Variants in SERINC5 observed in about 807,000 individuals in gnomAD.
The protein encoded by SERINC5 is serine incorporator 5, also known as chromosome 5 open reading frame 12.
A neutral mutation model predicts 63.1 loss-of-function variants in SERINC5; 41 were observed. That is an observed-to-expected ratio of 0.65 (90% CI 0.51 to 0.84). The LOEUF (loss-of-function observed/expected upper bound fraction) is 0.84. Ranked by LOEUF, SERINC5 falls within the 40% of genes least tolerant of loss-of-function variation. The pLI is 0.00. For missense variants in SERINC5, 523 were observed against 573.0 expected, an observed-to-expected ratio of 0.91 and a Z score of 0.89; for synonymous variants, 222 against 215.2, an observed-to-expected ratio of 1.03 and a Z score of -0.28.
intron 1 of SERINC5, among the ~76,000 whole-genome samples, chr5:80,214,591 G>A (rs959013370): frequency 4.0e-5 from 6 of 151,854 alleles, no homozygotes; most frequent in Non-Finnish European, 8.8e-5. Context: ...AACACCTCCT[G>A]TACTATACAC....
chr5:80,167,425 A>G (rs1426085947), intron 6 of SERINC5, among the ~76,000 whole-genome samples: 2 of 152,116 alleles, frequency 1.3e-5, no homozygotes, highest in Non-Finnish European at 2.9e-5. Context: ...TTTCCTTTTT[A>G]TGGCTACACC....
intron 11 of SERINC5, among the ~76,000 whole-genome samples, chr5:80,129,380 C>A (rs748359643): frequency 2.4e-4 from 36 of 152,288 alleles, no homozygotes; most frequent in Middle Eastern, 3.4e-3. Flanking sequence ...CTCACTGCAG[C>A]CTGGAACTCA....
At chr5:80,204,325 T>C (rs561911452) in intron 1 of SERINC5, among the ~76,000 whole-genome samples, 98 of 152,324 alleles carry the variant, frequency 6.4e-4, no homozygotes, top group African/African-American at 2.3e-3. Context: ...AACCCAGCCC[T>C]TAACCTGTGA....
chr5:80,148,179 ATTTTTTATTC>A (rs1405719525), intron 9 of SERINC5, among the ~76,000 whole-genome samples: 12 of 117,220 alleles, frequency 1.0e-4, no homozygotes, highest in African/African-American at 3.9e-4. Context: ...TACCTTGCGT[ATTTTTTATTC>A]TTTTTTTTTT....
At chr5:80,189,595 G>A (rs1292078030) in intron 2 of SERINC5, among the ~76,000 whole-genome samples, 1 of 152,200 alleles carries the variant, frequency 6.6e-6, no homozygotes, top group Non-Finnish European at 1.5e-5. Flanking sequence ...ATAGAAATGT[G>A]AAATTTCTAT....
intron 1 of SERINC5, among the ~76,000 whole-genome samples, chr5:80,217,135 A>G (rs557919605): frequency 6.6e-6 from 1 of 151,816 alleles, no homozygotes; most frequent in Admixed American, 6.6e-5. Context: ...TATTTTACAA[A>G]TTTTTAATTA....
intron 1 of SERINC5, among the ~76,000 whole-genome samples, chr5:80,228,482 G>A (rs539413549): frequency 2.6e-4 from 40 of 151,960 alleles, no homozygotes; most frequent in African/African-American, 9.4e-4. Flanking sequence ...TTAAGAAAGG[G>A]TCTCATTCTG....
chr5:80,228,424 C>G (rs547635167), intron 1 of SERINC5, among the ~76,000 whole-genome samples: 23 of 151,976 alleles, frequency 1.5e-4, no homozygotes, highest in African/African-American at 5.6e-4. Context: ...CAATCCAAAT[C>G]TTTCATCATT....
chr5:80,178,560 T>TG (rs1491103307), intron 2 of SERINC5, among the ~76,000 whole-genome samples: 2 of 67,746 alleles, frequency 3.0e-5, no homozygotes, highest in East Asian at 3.2e-4. Flanking sequence ...TTTTTTTTTT[T>TG]GTAGAGATGG....
intron 1 of SERINC5, among the ~76,000 whole-genome samples, chr5:80,242,685 G>A (rs1751998525): frequency 6.6e-6 from 1 of 152,126 alleles, no homozygotes; most frequent in Non-Finnish European, 1.5e-5. Flanking sequence ...AGGAGGCGGA[G>A]GTTGCAGTGA....
chr5:80,120,818 AG>A (rs1177355284), intron 11 of SERINC5, among the ~76,000 whole-genome samples: 1 of 152,198 alleles, frequency 6.6e-6, no homozygotes, highest in African/African-American at 2.4e-5. Context: ...TCTCAAAAAA[AG>A]AAAAGAAATA....
intron 1 of SERINC5, among the ~76,000 whole-genome samples, chr5:80,205,337 C>T (rs557126247): frequency 6.6e-6 from 1 of 152,312 alleles, no homozygotes; most frequent in South Asian, 2.1e-4. Flanking sequence ...TTGGATAACA[C>T]CTCGGACAAC....
At position 80,143,442 on chromosome 5, in the gene SERINC5, G is replaced by C. The variant is rs1745629042; in HGVS notation, c.*221C>G. The C allele has an allele frequency of 3.0e-6, 4 of 1,312,754 alleles. No homozygotes were observed. Among genetic ancestry groups the C allele is most frequent in the Non-Finnish European group, 3.9e-6 (4 of 1,032,270 alleles). 81.3% of individuals were successfully genotyped at this position (1,312,754 alleles called of 1,614,324 possible). ...CCTAGGGGTAAGATATTTCAACCAT[G>C]ATCAGTTTGGTTGAAAATTTCAATT... On this transcript the variant is annotated 3_prime_UTR_variant, in exon 12 of 12. Coordinates refer to ENST00000507668, the MANE Select transcript of SERINC5 (RefSeq NM_001174072.3).
intron 11 of SERINC5, chr5:80,116,002 C>A: frequency 3.8e-6 from 1 of 265,942 alleles, no homozygotes; most frequent in Non-Finnish European, 7.4e-6. Flanking sequence ...ATGTTAATTC[C>A]ACACACACGT....
chr5:80,161,160 C>G (rs1460635760), intron 7 of SERINC5, among the ~76,000 whole-genome samples: 1 of 151,896 alleles, frequency 6.6e-6, no homozygotes, highest in African/African-American at 2.4e-5. Context: ...GCGATAAACA[C>G]AGAGGTGCAG....
At chr5:80,134,797 C>A (rs1481674932), downstream of SERINC5, among the ~76,000 whole-genome samples, 1 of 152,192 alleles carries the variant, frequency 6.6e-6, no homozygotes, top group Non-Finnish European at 1.5e-5. Flanking sequence ...AAACAGGCTT[C>A]TGAAAGAACA....
intron 2 of SERINC5, among the ~76,000 whole-genome samples, chr5:80,183,042 C>G (rs1469141468): frequency 6.6e-6 from 1 of 152,082 alleles, no homozygotes; most frequent in Non-Finnish European, 1.5e-5. Context: ...AGGGGAAAAG[C>G]ACTACTGAAG....
At chr5:80,188,972 T>C (rs2112452687) in intron 2 of SERINC5, among the ~76,000 whole-genome samples, 1 of 152,296 alleles carries the variant, frequency 6.6e-6, no homozygotes, top group Non-Finnish European at 1.5e-5. Context: ...TGATTGACTC[T>C]AATTTAGTTT....
chr5:80,142,830 C>T lies in SERINC5; in HGVS notation c.*833G>A, dbSNP rs1484881217. The T allele has an allele frequency of 1.0e-6, 1 of 985,160 alleles. No individual in the cohort carries two copies. The highest frequency in any genetic ancestry group is 1.7e-5 in the African/African-American group (1 of 57,212). The allele number at this position is 985,160 out of a possible 1,614,324, so 61.0% of individuals were successfully genotyped here. A position where few individuals can be genotyped will look rare whatever the true frequency, so the allele number is the denominator to read the frequency against. On this transcript the variant is annotated 3_prime_UTR_variant, in exon 12 of 12. Coordinates refer to ENST00000507668, the MANE Select transcript of SERINC5 (RefSeq NM_001174072.3). Reference sequence around the variant, plus strand: ...CAGCACAAACAAGTAAGAATGATAGCCCTCCATTGCTTAGGCAGAGAAAAC... The same window carrying T: ...CAGCACAAACAAGTAAGAATGATAGTCCTCCATTGCTTAGGCAGAGAAAAC...
Sources: allele counts gnomAD v4.1 joint callset (sites outside exome capture counted in the v4.1 genomes callset), GRCh38; gene constraint gnomAD v4.1.1; transcripts MANE v1.5; gene names NCBI Gene and HGNC (gene_info 2026-07-23, HGNC 2026-07-21).